RNF130: variants seen among roughly 807,000 people sequenced by gnomAD.
The protein encoded by RNF130 is ring finger protein 130.
In RNF130, 21 loss-of-function variants were observed where a neutral mutation model predicts 44.6. The observed-to-expected ratio is 0.47, with a 90% CI of 0.33 to 0.68. The LOEUF (loss-of-function observed/expected upper bound fraction) is 0.68. Ranked by LOEUF, RNF130 falls within the 30% of genes least tolerant of loss-of-function variation. RNF130 has a pLI of 0.02. For synonymous variants in RNF130, 214 were observed against 210.4 expected (o/e 1.02, Z -0.15); for missense variants, 479 against 560.6 (o/e 0.85, Z 1.47).
At chr5:180,034,974 G>C (rs62405019) in intron 2 of RNF130, among the ~76,000 whole-genome samples, 6,406 of 152,222 alleles carry the variant, frequency 0.042, 203 homozygotes, top group Non-Finnish European at 0.062. Context: ...CTAAAGGTTT[G>C]TCAATTTTAT....
At chr5:179,931,667 C>T (rs991028382) in intron 7 of RNF130, among the ~76,000 whole-genome samples, 2 of 152,042 alleles carry the variant, frequency 1.3e-5, no homozygotes, top group African/African-American at 4.8e-5. Context: ...CCCAGCTACT[C>T]GGGAGGCTGA....
chr5:180,020,518 G>A (rs1763846637), intron 2 of RNF130, among the ~76,000 whole-genome samples: 1 of 152,218 alleles, frequency 6.6e-6, no homozygotes, highest in South Asian at 2.1e-4. Context: ...GAAGCCGAAT[G>A]TGTAAGCCAC....
intron 7 of RNF130, among the ~76,000 whole-genome samples, chr5:179,933,052 C>A (rs1426847486): frequency 6.6e-6 from 1 of 152,032 alleles, no homozygotes; most frequent in South Asian, 2.1e-4. Context: ...AGAAATAGAG[C>A]GCAGAGGAGC....
chr5:180,008,398 T>C (rs1763511347), intron 3 of RNF130, among the ~76,000 whole-genome samples: 1 of 152,142 alleles, frequency 6.6e-6, no homozygotes, highest in Non-Finnish European at 1.5e-5. Context: ...CTGTGCCCAC[T>C]GGTCTAATTA....
intron 3 of RNF130, among the ~76,000 whole-genome samples, chr5:179,990,700 T>A (rs1450029205): frequency 2.0e-5 from 3 of 152,202 alleles, no homozygotes; most frequent in Non-Finnish European, 4.4e-5. Flanking sequence ...GACACTGGCG[T>A]TACCGCTAGA....
chr5:179,989,150 G>A (rs1175564229), intron 3 of RNF130, among the ~76,000 whole-genome samples: 2 of 152,228 alleles, frequency 1.3e-5, no homozygotes, highest in African/African-American at 4.8e-5. Flanking sequence ...GCCAGCAGGA[G>A]AAACGCCAGA....
At chr5:179,993,965 T>C (rs902942705) in intron 3 of RNF130, among the ~76,000 whole-genome samples, 1 of 152,182 alleles carries the variant, frequency 6.6e-6, no homozygotes, top group African/African-American at 2.4e-5. Context: ...TTTCCCAGCG[T>C]CATTTCTTAA....
intron 1 of RNF130, among the ~76,000 whole-genome samples, chr5:180,049,195 C>A (rs78604443): frequency 0.053 from 7,993 of 152,204 alleles, 571 homozygotes; most frequent in East Asian, 0.31. Context: ...GGTTTCCAAG[C>A]GCTTTGACAC....
chr5:179,995,826 G>A (rs1763186500), intron 3 of RNF130, among the ~76,000 whole-genome samples: 1 of 152,240 alleles, frequency 6.6e-6, no homozygotes, highest in Non-Finnish European at 1.5e-5. Flanking sequence ...CTTTCCCAGT[G>A]TCTGAAATGT....
chr5:179,928,745 C>T (rs1281135639), intron 7 of RNF130, among the ~76,000 whole-genome samples: 1 of 151,800 alleles, frequency 6.6e-6, no homozygotes, highest in African/African-American at 2.4e-5. Flanking sequence ...TCTCCTGCCT[C>T]AGCCTCCCGA....
chr5:179,918,329 C>G (rs577686231), exon 8 of RNF130: 1 of 152,280 alleles, frequency 6.6e-6, no homozygotes, highest in South Asian at 2.1e-4. Context: ...TAATTTCATA[C>G]CTTTTCAGTA....
chr5:180,029,852 C>CT (rs11397024), intron 2 of RNF130, among the ~76,000 whole-genome samples: 59,684 of 144,182 alleles, frequency 0.41, 12,967 homozygotes, highest in African/African-American at 0.55. Flanking sequence ...CTATCCACCT[C>CT]TTTTTTTTTT....
At position 180,025,801 on chromosome 5, in the gene RNF130, TA is replaced by T. The variant is rs1398172700; in HGVS notation, c.443-12491del. Among the ~76,000 whole-genome samples, 8 of 152,322 alleles carry T rather than the reference TA, an allele frequency of 5.3e-5. No homozygotes were observed. In the South Asian group the frequency reaches 1.7e-3, roughly 32 times the overall value. ...GTTAAATCCATATTCAATTAGAAGC[TA>T]AAAAACTTTAAACGGTAAAACAATA... On this transcript the variant is annotated intron_variant, in intron 2 of 8. Transcript: ENST00000521389.
intron 1 of RNF130, among the ~76,000 whole-genome samples, chr5:180,055,248 C>CAAAAAAAAAA (rs1205914690): frequency 4.2e-3 from 87 of 20,612 alleles, no homozygotes; most frequent in Non-Finnish European, 4.7e-3. Context: ...GGTTCTGTCT[C>CAAAAAAAAAA]AAAAAAAAAA....
chr5:180,058,771 A>G (rs911077513), intron 1 of RNF130, among the ~76,000 whole-genome samples: 2 of 152,124 alleles, frequency 1.3e-5, no homozygotes, highest in Non-Finnish European at 2.9e-5. Context: ...CATGTTAGCC[A>G]GGCTGGTCTC....
rs1367087366 is a variant in RNF130, at chr5:179,966,163, C to T, written c.1150+643G>A. On this transcript the variant is annotated intron_variant, in intron 7 of 8. Transcript: ENST00000521389. ...CCGTCCTGAGGCACCGCCATCAATACACTCAGCATTTCTTTCCTGCTAGTC... is the reference window on the plus strand; with the variant it reads ...CCGTCCTGAGGCACCGCCATCAATATACTCAGCATTTCTTTCCTGCTAGTC... Among the ~76,000 whole-genome samples the T allele has an allele frequency of 2.6e-5, 4 of 152,310 alleles. No individual in the cohort carries two copies. In the East Asian group the frequency reaches 7.7e-4, roughly 29 times the overall value.
chr5:179,950,342 C>G (rs1446109661), downstream of RNF130, among the ~76,000 whole-genome samples: 1 of 151,964 alleles, frequency 6.6e-6, no homozygotes, highest in Non-Finnish European at 1.5e-5. Flanking sequence ...GTATCAAATC[C>G]CTGGGCTCAA....
At chr5:180,003,312 C>G (rs911923028) in intron 3 of RNF130, among the ~76,000 whole-genome samples, 12 of 152,114 alleles carry the variant, frequency 7.9e-5, no homozygotes, top group African/African-American at 2.9e-4. Context: ...ATGGAATAGC[C>G]AAAAGCAGAG....
intron 5 of RNF130, among the ~76,000 whole-genome samples, chr5:179,972,183 C>T (rs1762600168): frequency 6.6e-6 from 1 of 152,150 alleles, no homozygotes; most frequent in Non-Finnish European, 1.5e-5. Flanking sequence ...GACTTTCCAG[C>T]AGGGGTCAAG....
Sources: allele counts gnomAD v4.1 joint callset (sites outside exome capture counted in the v4.1 genomes callset), GRCh38; gene constraint gnomAD v4.1.1; transcripts MANE v1.5; gene names NCBI Gene and HGNC (gene_info 2026-07-23, HGNC 2026-07-21).